The following COL15A1 variants were observed in gnomAD, a reference collection of about 807,000 sequenced individuals.
COL15A1 encodes collagen type XV alpha 1 chain.
Under a neutral mutation model 165.9 loss-of-function variants are expected in COL15A1, and 111 were observed. That is an observed-to-expected ratio of 0.67 (90% CI 0.57 to 0.78). COL15A1 has a LOEUF of 0.78. COL15A1 is among the 30% of genes least tolerant of loss of function. COL15A1 has a pLI of 0.00. For synonymous variants in COL15A1, 659 were observed against 674.8 expected (o/e 0.98, Z 0.36); for missense variants, 1,745 against 1,789.7 (o/e 0.98, Z 0.45).
At chr9:98,947,759 T>A (rs16918095) in intron 2 of COL15A1, among the ~76,000 whole-genome samples, 2 of 152,160 alleles carry the variant, frequency 1.3e-5, no homozygotes, top group African/African-American at 4.8e-5. Flanking sequence ...CTGAATGCCA[T>A]TGTGGGCCCA....
intron 26 of COL15A1, among the ~76,000 whole-genome samples, chr9:99,047,308 A>G (rs1430646359): frequency 6.6e-6 from 1 of 152,186 alleles, no homozygotes; most frequent in Non-Finnish European, 1.5e-5. Flanking sequence ...GGCAGGTTAG[A>G]GCAAGGAAGG....
intron 21 of COL15A1, 49 bp from the exon 22 acceptor site, chr9:99,038,619 A>G: frequency 1.7e-6 from 2 of 1,152,728 alleles, no homozygotes; most frequent in Non-Finnish European, 2.6e-6. Context: ...GGAACAAGGC[A>G]GAACACATGC....
chr9:99,016,781 T>A (rs1416761940), intron 11 of COL15A1, among the ~76,000 whole-genome samples: 1 of 152,140 alleles, frequency 6.6e-6, no homozygotes, highest in East Asian at 1.9e-4. Flanking sequence ...TAAAGGAAAA[T>A]ATCTCCTTGG....
intron 36 of COL15A1, among the ~76,000 whole-genome samples, chr9:99,061,756 G>C (rs1292992751): frequency 1.3e-5 from 2 of 152,198 alleles, no homozygotes; most frequent in Admixed American, 6.5e-5. Context: ...TTATAAGTTA[G>C]ATTTGTGTTT....
intron 24 of COL15A1, among the ~76,000 whole-genome samples, chr9:99,044,080 G>A (rs1231722106): frequency 6.6e-6 from 1 of 152,116 alleles, no homozygotes; most frequent in African/African-American, 2.4e-5. Context: ...CTAATTTCAG[G>A]TGTTTTAACA....
At chr9:98,993,015 A>G (rs1300334809) in intron 5 of COL15A1, among the ~76,000 whole-genome samples, 2 of 151,868 alleles carry the variant, frequency 1.3e-5, no homozygotes, top group South Asian at 2.1e-4. Context: ...CCCCAACCCA[A>G]CTTTTCTCAG....
intron 39 of COL15A1, among the ~76,000 whole-genome samples, chr9:99,066,336 T>C (rs76137512): frequency 1.3e-5 from 2 of 152,334 alleles, no homozygotes; most frequent in African/African-American, 4.8e-5. Context: ...CAGAAGGGTC[T>C]ATCTCAGCAG....
intron 16 of COL15A1, among the ~76,000 whole-genome samples, chr9:99,030,058 C>G (rs923733615): frequency 6.6e-6 from 1 of 152,194 alleles, no homozygotes; most frequent in African/African-American, 2.4e-5. Flanking sequence ...TCAGAAGCCA[C>G]ACAAGCAAAA....
chr9:99,034,715 A>G (rs574183550), intron 17 of COL15A1, 131 bp downstream of exon 17: 14 of 1,429,698 alleles, frequency 9.8e-6, no homozygotes. Context: ...AGAGGAACAC[A>G]TCTCAAAGGA....
intron 40 of COL15A1, 50 bp from the exon 41 acceptor site, chr9:99,068,505 T>C (rs1456398445): frequency 1.4e-6 from 1 of 735,486 alleles, no homozygotes; most frequent in Non-Finnish European, 2.1e-6. Flanking sequence ...ATCTAACTCA[T>C]TTGTAGGCTG....
intron 2 of COL15A1, among the ~76,000 whole-genome samples, chr9:98,963,280 C>CT (rs566120027): frequency 0.014 from 2,020 of 146,570 alleles, 43 homozygotes; most frequent in African/African-American, 0.053. Flanking sequence ...CCTGCAAGTC[C>CT]CCCCAAACAC....
intron 12 of COL15A1, among the ~76,000 whole-genome samples, chr9:99,021,780 G>A (rs1258161723): frequency 2.0e-5 from 3 of 152,234 alleles, no homozygotes; most frequent in Non-Finnish European, 4.4e-5. Flanking sequence ...ACTGAGCACT[G>A]GTGCTCTAGC....
chr9:99,063,012 A>T, intron 38 of COL15A1, 38 bp from the exon 39 acceptor site: 1 of 1,578,978 alleles, frequency 6.3e-7, no homozygotes, highest in Non-Finnish European at 8.6e-7. Context: ...GATTGAATGC[A>T]TATTCAGAAC....
In COL15A1 at chr9:98,987,302, C is replaced by T; in HGVS notation, c.657C>T (p.Leu219=). Residue 219 remains leucine, a synonymous_variant, in exon 4 of 42, where the codon CTC becomes CTT. Transcript: ENST00000375001. ...CCGTCTCTTTTCCCCAGGGCTCCCT[C>T]CAGCAGCTCACCGTGCACCCCGACC... is the stretch of plus-strand genomic sequence containing the variant. ...ATGLERFTGS[L]QQLTVHPDPR... 6.2e-7 allele frequency: 1 copy of T among 1,613,590 alleles called. No homozygotes were observed. Among genetic ancestry groups the T allele is most frequent in the Non-Finnish European group, 8.5e-7 (1 of 1,179,818 alleles).
Position 99,023,316 on chromosome 9 carries a change from G to T in COL15A1, c.1762-41G>T, listed in dbSNP as rs7861925. 0.14 allele frequency: 218,906 copies of T among 1,563,680 alleles called. 16,650 individuals are homozygous for T. The highest frequency in any genetic ancestry group is 0.31 in the East Asian group (13,733 of 43,974). On this transcript the variant is annotated intron_variant, in intron 13 of 41. Transcript: ENST00000375001. ...AGTGACGTGGCTGTCCTTGGAGTCT[G>T]GCAGTTAAATGCAAGTAGTGGAAAT...
At chr9:99,023,747 G>A (rs1839066683) in intron 14 of COL15A1, among the ~76,000 whole-genome samples, 1 of 152,156 alleles carries the variant, frequency 6.6e-6, no homozygotes, top group African/African-American at 2.4e-5. Flanking sequence ...TGCAGCAGGT[G>A]TGCCCAGTGC....
chr9:99,027,075 T>A (rs1468039845), intron 16 of COL15A1, among the ~76,000 whole-genome samples: 1 of 152,232 alleles, frequency 6.6e-6, no homozygotes, highest in Admixed American at 6.5e-5. Context: ...GTGCTGGTGC[T>A]ACCTGGGGCG....
At chr9:99,004,552 C>A (rs1838723039) in intron 8 of COL15A1, among the ~76,000 whole-genome samples, 1 of 152,154 alleles carries the variant, frequency 6.6e-6, no homozygotes, top group South Asian at 2.1e-4. Flanking sequence ...GTCTGAGGAC[C>A]TAGACTTTTG....
At chr9:99,054,256 A>G (rs1825676772) in intron 31 of COL15A1, among the ~76,000 whole-genome samples, 1 of 152,208 alleles carries the variant, frequency 6.6e-6, no homozygotes, top group South Asian at 2.1e-4. Flanking sequence ...GGCACTGACC[A>G]AGCCAGGGTT....
Sources: allele counts gnomAD v4.1 joint callset (sites outside exome capture counted in the v4.1 genomes callset), GRCh38; gene constraint gnomAD v4.1.1; transcripts MANE v1.5; gene names NCBI Gene and HGNC (gene_info 2026-07-23, HGNC 2026-07-21).